KLF13: variants seen among roughly 807,000 people sequenced by gnomAD.
The protein encoded by KLF13 is KLF transcription factor 13.
A neutral mutation model predicts 16.7 loss-of-function variants in KLF13; 8 were observed. The ratio of observed to expected loss-of-function variants is 0.48; its 90% CI spans 0.28 to 0.87. The LOEUF is 0.87. KLF13 is among the 40% of genes least tolerant of loss of function. The pLI, the probability that KLF13 is intolerant of heterozygous loss-of-function variation, is 0.10. For missense variants in KLF13, 447 were observed against 452.2 expected (o/e 0.99, Z 0.10); for synonymous variants, 245 against 208.4 (o/e 1.18, Z -1.51).
At chr15:31,351,015 G>A (rs763901312) in intron 1 of KLF13, among the ~76,000 whole-genome samples, 3 of 152,228 alleles carry the variant, frequency 2.0e-5, no homozygotes, top group Non-Finnish European at 4.4e-5. Flanking sequence ...GTGTCTCCAG[G>A]AACCACTTGC....
rs569346189 is a variant in KLF13, at chr15:31,376,386, A to T, written c.*4087A>T. 1 of 152,310 alleles carries T rather than the reference A, an allele frequency of 6.6e-6. No individual in the cohort carries two copies. Among genetic ancestry groups the T allele is most frequent in the African/African-American group, 2.4e-5 (1 of 41,460 alleles). The allele number at this position is 152,310 out of a possible 1,614,324, so 9.4% of individuals were successfully genotyped here. On this transcript the variant is annotated 3_prime_UTR_variant, in exon 2 of 2. Transcript: ENST00000307145. ...CATTTAGTCAAAGACACAGTGCTAG[A>T]GGTTTAAAGGGTGTAATGTGTTGGT... is the stretch of plus-strand genomic sequence containing the variant.
downstream of KLF13, among the ~76,000 whole-genome samples, chr15:31,379,761 A>G (rs1412433376): frequency 6.6e-6 from 1 of 152,152 alleles, no homozygotes; most frequent in Non-Finnish European, 1.5e-5. Flanking sequence ...CTCTGTGCTG[A>G]GCAGAGATGA....
At chr15:31,425,774 G>A (rs1432336301) in intron 1 of KLF13, among the ~76,000 whole-genome samples, 3 of 152,208 alleles carry the variant, frequency 2.0e-5, no homozygotes, top group African/African-American at 7.2e-5. Flanking sequence ...CTACTTGGGA[G>A]GCTGAGGCAG....
At chr15:31,398,041 A>G (rs1186530788) in intron 2 of KLF13, among the ~76,000 whole-genome samples, 1 of 152,132 alleles carries the variant, frequency 6.6e-6, no homozygotes, top group East Asian at 1.9e-4. Context: ...GGGGCCAGTA[A>G]TTAGCCTAAT....
At chr15:31,346,145 G>T (rs1246740582) in intron 1 of KLF13, among the ~76,000 whole-genome samples, 1 of 151,718 alleles carries the variant, frequency 6.6e-6, no homozygotes, top group Non-Finnish European at 1.5e-5. Context: ...GAGCTGTTCC[G>T]CACAGAACAC....
intron 1 of KLF13, among the ~76,000 whole-genome samples, chr15:31,383,715 ACG>A (rs997103042): frequency 3.2e-4 from 49 of 152,254 alleles, no homozygotes; most frequent in Admixed American, 3.2e-3. Context: ...CCTGGCTAAC[ACG>A]GTGAAACCCC....
At chr15:31,361,036 A>G (rs985643734) in intron 1 of KLF13, among the ~76,000 whole-genome samples, 3 of 152,100 alleles carry the variant, frequency 2.0e-5, no homozygotes, top group Admixed American at 6.5e-5. Flanking sequence ...CTCCTTCCTC[A>G]GCTGCAGCCT....
At chr15:31,393,353 C>G (rs1448833486) in intron 1 of KLF13, 18 of 152,584 alleles carry the variant, frequency 1.2e-4, no homozygotes, top group Admixed American at 1.2e-3. Flanking sequence ...CGCCTCTCCT[C>G]CACTGCTCCC....
At chr15:31,382,974 T>A (rs2039746290) in intron 1 of KLF13, among the ~76,000 whole-genome samples, 1 of 152,206 alleles carries the variant, frequency 6.6e-6, no homozygotes, top group African/African-American at 2.4e-5. Context: ...CATCATAATG[T>A]CTTCCATTCC....
chr15:31,406,817 C>G (rs929969525), downstream of KLF13, among the ~76,000 whole-genome samples: 4 of 152,172 alleles, frequency 2.6e-5, no homozygotes, highest in African/African-American at 9.7e-5. Flanking sequence ...ATCTCTCCCT[C>G]TGACTCTGAC....
downstream of KLF13, among the ~76,000 whole-genome samples, chr15:31,378,761 G>A (rs1203307370): frequency 3.3e-5 from 5 of 152,058 alleles, no homozygotes; most frequent in East Asian, 1.9e-4. Flanking sequence ...TGCTGTCGCC[G>A]AGGCTGGAGT....
intron 1 of KLF13, among the ~76,000 whole-genome samples, chr15:31,354,884 T>C (rs1249510363): frequency 6.6e-6 from 1 of 152,170 alleles, no homozygotes. Context: ...CCTTACATCT[T>C]CAAATGAAAG....
At chr15:31,370,680 A>G (rs1049453811) in intron 1 of KLF13, among the ~76,000 whole-genome samples, 4 of 152,028 alleles carry the variant, frequency 2.6e-5, no homozygotes, top group Admixed American at 1.3e-4. Flanking sequence ...CAGCCTCCCA[A>G]AGTGCTGAGA....
At chr15:31,420,681 C>CT (rs369292996) in intron 1 of KLF13, 607 of 308,470 alleles carry the variant, frequency 2.0e-3, no homozygotes, top group South Asian at 3.2e-3. Flanking sequence ...CCAGACTGTC[C>CT]TTTTTTTTTC....
chr15:31,344,090 CT>C (rs1291796347), intron 1 of KLF13, among the ~76,000 whole-genome samples: 3 of 152,158 alleles, frequency 2.0e-5, no homozygotes, highest in Non-Finnish European at 4.4e-5. Flanking sequence ...TTCCAACCCC[CT>C]GGGACAAACA....
intron 2 of KLF13, among the ~76,000 whole-genome samples, chr15:31,397,256 A>T (rs1475965094): frequency 9.7e-6 from 1 of 102,624 alleles, no homozygotes; most frequent in African/African-American, 3.8e-5. Context: ...CGGGCAGGGC[A>T]GGGCAGGGCA....
intron 1 of KLF13, among the ~76,000 whole-genome samples, chr15:31,364,262 C>A (rs542793630): frequency 2.6e-4 from 39 of 152,328 alleles, no homozygotes; most frequent in African/African-American, 6.0e-4. Context: ...TAAAAAATAT[C>A]TTCGCAAGCA....
intron 1 of KLF13, among the ~76,000 whole-genome samples, chr15:31,422,374 G>C (rs539411901): frequency 8.5e-5 from 13 of 152,292 alleles, no homozygotes; most frequent in African/African-American, 3.1e-4. Flanking sequence ...CAAAGGAGAA[G>C]CAGGCACCTT....
At chr15:31,360,580 G>T (rs4779867) in intron 1 of KLF13, among the ~76,000 whole-genome samples, 7 of 152,082 alleles carry the variant, frequency 4.6e-5, no homozygotes, top group Non-Finnish European at 1.0e-4. Flanking sequence ...GTGGCTCCAT[G>T]GGCCTGGGCT....
Sources: gnomAD v4.1 joint callset for allele counts (sites outside exome capture counted in the v4.1 genomes callset) on GRCh38, gnomAD v4.1.1 for gene constraint, MANE v1.5 for transcripts, NCBI Gene and HGNC (gene_info 2026-07-23, HGNC 2026-07-21) for gene names.